Variants in ZNF224 observed in about 807,000 individuals in gnomAD.
ZNF224 encodes the protein zinc finger protein 224.
Under a neutral mutation model 10.5 loss-of-function variants are expected in ZNF224, and 8 were observed. The ratio of observed to expected loss-of-function variants is 0.76; its 90% CI spans 0.45 to 1.37. ZNF224 has a LOEUF of 1.37. ZNF224 is among the 40% of genes most tolerant of loss of function. The pLI is 0.00. For missense variants in ZNF224, 754 were observed against 854.0 expected, an observed-to-expected ratio of 0.88 and a Z score of 1.46; for synonymous variants, 282 against 287.8, an observed-to-expected ratio of 0.98 and a Z score of 0.20.
rs1967469503 is a variant in ZNF224, at chr19:44,097,801, TG to T, written c.-68-4del. ...TCTTTTTCTGCCTTTCCTGGCACTT[TG>T]CAGGCACAATTCTGCTTTCCCAGGA... On this transcript the variant is annotated splice_region_variant and splice_polypyrimidine_tract_variant and intron_variant, in intron 2 of 5. Transcript: ENST00000693561. 6.4e-7 allele frequency: 1 copy of T among 1,570,322 alleles called. No individual in the cohort carries two copies. The highest frequency in any genetic ancestry group is 1.4e-5 in the African/African-American group (1 of 73,632).
chr19:44,103,688 T>C (rs1967592073), intron 5 of ZNF224, among the ~76,000 whole-genome samples: 1 of 152,136 alleles, frequency 6.6e-6, no homozygotes, highest in South Asian at 2.1e-4. Flanking sequence ...GCCCTCTTTT[T>C]TCTTCTTTTT....
At position 44,108,502 on chromosome 19, in the gene ZNF224, C is replaced by A; in HGVS notation, c.*218C>A. 1.8e-6 allele frequency: 1 copy of A among 564,316 alleles called. No homozygotes were observed. Among genetic ancestry groups the A allele is most frequent in the Non-Finnish European group, 3.1e-6 (1 of 318,014 alleles). 35.0% of individuals were successfully genotyped at this position (564,316 alleles called of 1,614,324 possible). A position where few individuals can be genotyped will look rare whatever the true frequency, so the allele number is the denominator to read the frequency against. On this transcript the variant is annotated 3_prime_UTR_variant, in exon 6 of 6. Transcript: ENST00000693561. ...CATCAGTGCTTCAGCCATAGCTCAG[C>A]ATGCCCCAGTAGTCTCAGGACCACC...
rs911734094 is a variant in ZNF224 at position 44,109,738 on chromosome 19, T to A, written c.*1454T>A. 6.6e-6 allele frequency: 1 copy of A among 152,246 alleles called. No homozygotes were observed. The highest frequency in any genetic ancestry group is 1.5e-5 in the Non-Finnish European group (1 of 68,038). The allele number at this position is 152,246 out of a possible 1,614,324, so 9.4% of individuals were successfully genotyped here. On this transcript the variant is annotated 3_prime_UTR_variant, in exon 6 of 6. Coordinates refer to ENST00000693561, the MANE Select transcript of ZNF224 (RefSeq NM_001321645.3). ...TAATAATATGAACTCAATGAGATGA[T>A]GACATAGACACAATAACAAAAGGAG...
Position 44,108,146 on chromosome 19 carries a change from C to T in ZNF224, c.1986C>T (p.Asn662=), listed in dbSNP as rs1967744752. 1.9e-6 allele frequency: 3 copies of T among 1,614,206 alleles called. No homozygotes were observed. Among genetic ancestry groups the T allele is most frequent in the Non-Finnish European group, 2.5e-6 (3 of 1,180,040 alleles). Residue 662 remains asparagine (N), a synonymous_variant, in exon 6 of 6, where the codon AAC becomes AAT. Transcript: ENST00000693561. ...GTGAGGACTGTGGGAAGGGCTACAA[C>T]AGGCGCTTGAATCTTGATATGCATC... is the stretch of plus-strand genomic sequence containing the variant. The part of the protein sequence containing the change: ...YKCEDCGKGY[N]RRLNLDMHQR...
chr19:44,094,846 G>C lies in ZNF224; in HGVS notation c.-158+316G>C, dbSNP rs2147520427. The C allele has an allele frequency of 3.3e-5, 5 of 152,482 alleles. No homozygotes were observed. In the South Asian group the frequency reaches 1.0e-3, roughly 32 times the overall value. 9.4% of individuals were successfully genotyped at this position (152,482 alleles called of 1,614,324 possible). ...TAACACAAATGAGAGCCTTAAAGCAGTCCCTGTCACTTGGTGACTGGTGGT... is the reference window on the plus strand; with the variant it reads ...TAACACAAATGAGAGCCTTAAAGCACTCCCTGTCACTTGGTGACTGGTGGT... On this transcript the variant is annotated intron_variant, in intron 1 of 5. Transcript: ENST00000693561.
At chr19:44,096,600 A>G (rs1967439581) in intron 2 of ZNF224, among the ~76,000 whole-genome samples, 169 bp downstream of exon 2, 1 of 152,210 alleles carries the variant, frequency 6.6e-6, no homozygotes, top group Non-Finnish European at 1.5e-5. Context: ...CATATTACCT[A>G]ACTTCATGTT....
intron 5 of ZNF224, among the ~76,000 whole-genome samples, chr19:44,101,583 C>G (rs1401005437): frequency 6.6e-6 from 1 of 152,230 alleles, no homozygotes. Flanking sequence ...CCTTCTTGCT[C>G]TGTCTTTACC....
In ZNF224 at chr19:44,108,379, C is replaced by T. The variant is rs1454257311; in HGVS notation, c.*95C>T. 1.6e-5 allele frequency: 20 copies of T among 1,257,512 alleles called. No individual in the cohort carries two copies. The highest frequency in any genetic ancestry group is 1.9e-4 in the Middle Eastern group (1 of 5,154). The allele number at this position is 1,257,512 out of a possible 1,614,324, so 77.9% of individuals were successfully genotyped here. On this transcript the variant is annotated 3_prime_UTR_variant, in exon 6 of 6. Coordinates refer to ENST00000693561, the MANE Select transcript of ZNF224 (RefSeq NM_001321645.3). ...GAGAGACACATTAAAATATGAGGCA[C>T]ATAGTAAGCACTTCCCTTTGAGTAT...
At position 44,096,891 on chromosome 19, in the gene ZNF224, T is replaced by C. The variant is rs572531980; in HGVS notation, c.-69+460T>C. 1.4e-4 allele frequency among the ~76,000 whole-genome samples: 22 copies of C among 152,324 alleles called. No homozygotes were observed. In the South Asian group the frequency reaches 4.6e-3, roughly 32 times the overall value. ...TGTGCGGGTTCACATTATGCATTGT[T>C]GGTAGGGATACCACAGAAGTGGTGA... On this transcript the variant is annotated intron_variant, in intron 2 of 5. Transcript: ENST00000693561.
chr19:44,105,130 C>T (rs1335323071), intron 5 of ZNF224, among the ~76,000 whole-genome samples: 2 of 152,162 alleles, frequency 1.3e-5, no homozygotes, highest in African/African-American at 4.8e-5. Flanking sequence ...CCCCCAAAGG[C>T]GTGGCCAGCT....
chr19:44,098,864 C>T (rs1394661124), intron 3 of ZNF224, among the ~76,000 whole-genome samples: 3 of 152,212 alleles, frequency 2.0e-5, no homozygotes, highest in African/African-American at 7.2e-5. Context: ...CAGGCGTGAG[C>T]CACCGCGCCC....
Position 44,100,678 on chromosome 19 carries a change from G to T in ZNF224, c.16-123G>T, listed in dbSNP as rs147977497. 8,844 of 1,239,558 alleles carry T rather than the reference G, an allele frequency of 7.1e-3. 41 individuals carry two copies. Among genetic ancestry groups the T allele is most frequent in the Non-Finnish European group, 9.0e-3 (7,995 of 893,058 alleles). The allele number at this position is 1,239,558 out of a possible 1,614,324, so 76.8% of individuals were successfully genotyped here. A position where few individuals can be genotyped will look rare whatever the true frequency, so the allele number is the denominator to read the frequency against. On this transcript the variant is annotated intron_variant, in intron 3 of 5. Coordinates refer to ENST00000693561, the MANE Select transcript of ZNF224 (RefSeq NM_001321645.3). Reference sequence around the variant, plus strand: ...GACAGAATGAGTAGGAAATCTACGAGTTGACCTATGTCTCTCAAGATCCAA... The same window carrying T: ...GACAGAATGAGTAGGAAATCTACGATTTGACCTATGTCTCTCAAGATCCAA...
At chr19:44,098,000 C>G in intron 3 of ZNF224, 112 bp downstream of exon 3, 9 of 1,167,004 alleles carry the variant, frequency 7.7e-6, no homozygotes, top group Non-Finnish European at 1.1e-5. Context: ...ATTTGAGGAT[C>G]TCTTGTGTAC....
chr19:44,107,705 G>A lies in ZNF224; in HGVS notation c.1545G>A (p.Glu515=). ...CTGGAGAAAAGCCATACAAATGTGAGAAGTGTGGAAAGGGCTACAATAGTA... is the reference window on the plus strand; with the variant it reads ...CTGGAGAAAAGCCATACAAATGTGAAAAGTGTGGAAAGGGCTACAATAGTA... The part of the protein sequence containing the change: ...VHTGEKPYKC[E]KCGKGYNSKF... The change falls in exon 6 of 6, where the codon GAG becomes GAA. Residue 515 remains glutamate, a synonymous_variant. Coordinates refer to ENST00000693561, the MANE Select transcript of ZNF224 (RefSeq NM_001321645.3). 1 of 1,611,660 alleles carries A rather than the reference G, an allele frequency of 6.2e-7. No individual in the cohort carries two copies. Among genetic ancestry groups the A allele is most frequent in the Non-Finnish European group, 8.5e-7 (1 of 1,179,428 alleles).
At chr19:44,097,413 A>G (rs10408560) in intron 2 of ZNF224, among the ~76,000 whole-genome samples, 6,001 of 152,268 alleles carry the variant, frequency 0.039, 443 homozygotes, top group African/African-American at 0.14. Flanking sequence ...GTTAGACTTC[A>G]TTCTCACTCA....
At chr19:44,102,408 G>A (rs1967567813) in intron 5 of ZNF224, among the ~76,000 whole-genome samples, 1 of 152,190 alleles carries the variant, frequency 6.6e-6, no homozygotes, top group Admixed American at 6.5e-5. Flanking sequence ...TATTTTCAGT[G>A]CCTAGAATGG....
rs760491268 is a variant in ZNF224 at position 44,108,734 on chromosome 19, C to T, written c.*450C>T. The stretch of plus-strand genomic sequence containing the variant: ...TCGTCACAGCCTTAACATTGATTAG[C>T]ACTTTGTATGTGTTCAGTACTTGTT... On this transcript the variant is annotated 3_prime_UTR_variant, in exon 6 of 6. Transcript: ENST00000693561. 1 of 518,762 alleles carries T rather than the reference C, an allele frequency of 1.9e-6. No individual in the cohort carries two copies. The highest frequency in any genetic ancestry group is 3.8e-6 in the Non-Finnish European group (1 of 259,840). 32.1% of individuals were successfully genotyped at this position (518,762 alleles called of 1,614,324 possible). A position where few individuals can be genotyped will look rare whatever the true frequency, so the allele number is the denominator to read the frequency against.
At position 44,108,047 on chromosome 19, in the gene ZNF224, T is replaced by C; in HGVS notation, c.1887T>C (p.His629=). 1.9e-6 allele frequency: 3 copies of C among 1,612,140 alleles called. No individual in the cohort carries two copies. The highest frequency in any genetic ancestry group is 2.5e-6 in the Non-Finnish European group (3 of 1,178,662). ...SRETPLKCEQ[H]GKNIVQNSFS... is the part of the protein sequence containing the mutation. Reference sequence around the variant, plus strand: ...AAACACCTCTCAAATGTGAGCAGCATGGGAAGAACATTGTACAGAATTCAT... The same window carrying C: ...AAACACCTCTCAAATGTGAGCAGCACGGGAAGAACATTGTACAGAATTCAT... Residue 629 remains histidine, a synonymous_variant, in exon 6 of 6, where the codon CAT becomes CAC. Coordinates refer to ENST00000693561, the MANE Select transcript of ZNF224 (RefSeq NM_001321645.3).
rs1233250746 is a variant in ZNF224 at position 44,109,807 on chromosome 19, A to G, written c.*1523A>G. 1 of 152,238 alleles carries G rather than the reference A, an allele frequency of 6.6e-6. No homozygotes were observed. Among genetic ancestry groups the G allele is most frequent in the African/African-American group, 2.4e-5 (1 of 41,474 alleles). The allele number at this position is 152,238 out of a possible 1,614,324, so 9.4% of individuals were successfully genotyped here. A position where few individuals can be genotyped will look rare whatever the true frequency, so the allele number is the denominator to read the frequency against. On this transcript the variant is annotated 3_prime_UTR_variant, in exon 6 of 6. Coordinates refer to ENST00000693561, the MANE Select transcript of ZNF224 (RefSeq NM_001321645.3). ...TTTAGCCTTCATAACCTAATCAAAT[A>G]AATATCTTTGTGTGTTTTATGTTCT...
Sources: gnomAD v4.1 joint callset for allele counts (sites outside exome capture counted in the v4.1 genomes callset) on GRCh38, gnomAD v4.1.1 for gene constraint, MANE v1.5 for transcripts, NCBI Gene and HGNC (gene_info 2026-07-23, HGNC 2026-07-21) for gene names.